AMDHD1: variants seen among roughly 807,000 people sequenced by gnomAD.
AMDHD1 encodes the protein probable imidazolonepropionase.
AMDHD1 carries 45 observed loss-of-function variants against 44.1 expected under a neutral mutation model. The ratio of observed to expected loss-of-function variants is 1.02; its 90% CI spans 0.80 to 1.31. The LOEUF is 1.31. AMDHD1 is among the 50% of genes most tolerant of loss of function. The pLI, the probability that AMDHD1 is intolerant of heterozygous loss-of-function variation, is 0.00. For synonymous variants in AMDHD1, 206 were observed against 205.0 expected, an observed-to-expected ratio of 1.00 and a Z score of -0.04; for missense variants, 586 against 552.1, an observed-to-expected ratio of 1.06 and a Z score of -0.61.
intron 4 of AMDHD1, among the ~76,000 whole-genome samples, chr12:95,959,209 A>G (rs1296728010): frequency 2.0e-5 from 3 of 152,168 alleles, no homozygotes; most frequent in Non-Finnish European, 4.4e-5. Context: ...GTTTCACAGA[A>G]ATTTTCTCCA....
chr12:95,956,818 C>T lies in AMDHD1; in HGVS notation c.443C>T (p.Ala148Val). Residue 148 changes from alanine (A) to valine (V), a missense_variant, in exon 4 of 9, where the codon GCT becomes GTT. Ala to Val is a moderately conservative substitution (Grantham distance 64). Transcript: ENST00000266736. ...CAACGGCTCCAGTGCATGATGAGGG[C>T]TGGCACCACGCTGGTGGAGTGCAAG... ...LQQRLQCMMR[A>V]GTTLVECKSG... The T allele has an allele frequency of 6.2e-7, 1 of 1,614,236 alleles. No individual in the cohort carries two copies. Among genetic ancestry groups the T allele is most frequent in the South Asian group, 1.1e-5 (1 of 91,088 alleles).
Position 95,943,484 on chromosome 12 carries a change from A to G in AMDHD1, c.86A>G (p.Asp29Gly). 1 of 1,501,830 alleles carries G rather than the reference A, an allele frequency of 6.7e-7. No homozygotes were observed. Among genetic ancestry groups the G allele is most frequent in the African/African-American group, 1.4e-5 (1 of 69,064 alleles). 93.0% of individuals were successfully genotyped at this position (1,501,830 alleles called of 1,614,324 possible). A position where few individuals can be genotyped will look rare whatever the true frequency, so the allele number is the denominator to read the frequency against. ...CARGERFLAR[D>G]ALRSLAVLEG... is the part of the protein sequence containing the mutation. ...CGCGGCGAGCGCTTCCTGGCGCGGG[A>G]TGCGCTGCGCAGCCTGGCGGTGCTG... Residue 29 changes from aspartate to glycine, a missense_variant, in exon 1 of 9, where the codon GAT (aspartate) becomes GGT (glycine). Physicochemically the swap from Asp to Gly is moderately conservative, Grantham distance 94. Transcript: ENST00000266736.
At chr12:95,944,327 T>TTTTATTTA (rs34358106) in intron 1 of AMDHD1, among the ~76,000 whole-genome samples, 8,754 of 141,562 alleles carry the variant, frequency 0.062, 342 homozygotes, top group Admixed American at 0.084. Flanking sequence ...GTTGGTTTAA[T>TTTTATTTA]TTTATTTATT....
chr12:95,949,810 TG>T (rs2136760366), intron 1 of AMDHD1, among the ~76,000 whole-genome samples: 1 of 152,316 alleles, frequency 6.6e-6, no homozygotes, highest in East Asian at 1.9e-4. Flanking sequence ...AAAACACTTT[TG>T]GGGGAATGCT....
chr12:95,966,876 C>T (rs1382890998), intron 8 of AMDHD1, among the ~76,000 whole-genome samples: 2 of 152,230 alleles, frequency 1.3e-5, no homozygotes, highest in Non-Finnish European at 2.9e-5. Flanking sequence ...TTCATTCCCT[C>T]TCTGATTTCT....
chr12:95,967,856 G>A lies in AMDHD1; in HGVS notation c.*13G>A. On this transcript the variant is annotated 3_prime_UTR_variant, in exon 9 of 9. Coordinates refer to ENST00000266736, the MANE Select transcript of AMDHD1 (RefSeq NM_152435.3). ...CTATAAAACATGATAGATTTGAAAA[G>A]AGAAGACTTTTTGACTATATGAAAT... 2 of 1,516,670 alleles carry A rather than the reference G, an allele frequency of 1.3e-6. No homozygotes were observed. Among genetic ancestry groups the A allele is most frequent in the Non-Finnish European group, 1.8e-6 (2 of 1,116,440 alleles). 94.0% of individuals were successfully genotyped at this position (1,516,670 alleles called of 1,614,324 possible).
In AMDHD1 at chr12:95,968,712, T is replaced by A. The variant is rs1467271466; in HGVS notation, c.*869T>A. 6.6e-6 allele frequency: 1 copy of A among 152,226 alleles called. No individual in the cohort carries two copies. The highest frequency in any genetic ancestry group is 1.5e-5 in the Non-Finnish European group (1 of 68,036). 9.4% of individuals were successfully genotyped at this position (152,226 alleles called of 1,614,324 possible). A position where few individuals can be genotyped will look rare whatever the true frequency, so the allele number is the denominator to read the frequency against. On this transcript the variant is annotated 3_prime_UTR_variant, in exon 9 of 9. Coordinates refer to ENST00000266736, the MANE Select transcript of AMDHD1 (RefSeq NM_152435.3). The stretch of plus-strand genomic sequence containing the variant: ...TTATTTACATATAAATGGGTGTTTT[T>A]AAAAGCCATGTAAGTTGATTTGAAA...
intron 1 of AMDHD1, among the ~76,000 whole-genome samples, chr12:95,952,027 G>A (rs2080527807): frequency 6.6e-6 from 1 of 152,132 alleles, no homozygotes; most frequent in South Asian, 2.1e-4. Flanking sequence ...CTCCCATTCT[G>A]TGGGTTGTTT....
Position 95,966,336 on chromosome 12 carries a change from T to C in AMDHD1, c.1033-12T>C. On this transcript the variant is annotated splice_polypyrimidine_tract_variant and intron_variant, in intron 7 of 8. Coordinates refer to ENST00000266736, the MANE Select transcript of AMDHD1 (RefSeq NM_152435.3). ...GTCACTTTCCTCCAACACTTTTCTCTTCCTGCCTTAGCCAATGGTCATGCA... is the reference window on the plus strand; with the variant it reads ...GTCACTTTCCTCCAACACTTTTCTCCTCCTGCCTTAGCCAATGGTCATGCA... 1 of 1,613,676 alleles carries C rather than the reference T, an allele frequency of 6.2e-7. No homozygotes were observed. Among genetic ancestry groups the C allele is most frequent in the Middle Eastern group, 1.7e-4 (1 of 6,058 alleles).
intron 4 of AMDHD1, among the ~76,000 whole-genome samples, chr12:95,959,073 AAAG>A (rs1223811935): frequency 1.3e-5 from 2 of 151,894 alleles, no homozygotes; most frequent in Non-Finnish European, 1.5e-5. Flanking sequence ...AAGAAAAAAA[AAAG>A]AAAAGAAAAA....
intron 3 of AMDHD1, among the ~76,000 whole-genome samples, chr12:95,956,313 T>C (rs1458295227): frequency 6.6e-6 from 1 of 152,176 alleles, no homozygotes; most frequent in African/African-American, 2.4e-5. Flanking sequence ...TTTCACCATA[T>C]TGGTCAGGCT....
chr12:95,948,328 A>G (rs1456560333), intron 1 of AMDHD1, among the ~76,000 whole-genome samples: 15 of 46,360 alleles, frequency 3.2e-4, no homozygotes, highest in Non-Finnish European at 4.3e-4. Context: ...TCAGCCCCCC[A>G]CCCGGCCAGC....
intron 1 of AMDHD1, among the ~76,000 whole-genome samples, chr12:95,952,123 T>C (rs1382084416): frequency 6.6e-6 from 1 of 152,204 alleles, no homozygotes; most frequent in East Asian, 1.9e-4. Context: ...CTTGGTTGCC[T>C]GTTCTTGTGG....
At chr12:95,962,635 A>C (rs1165747931) in intron 6 of AMDHD1, among the ~76,000 whole-genome samples, 156 bp downstream of exon 6, 1 of 152,244 alleles carries the variant, frequency 6.6e-6, no homozygotes, top group Non-Finnish European at 1.5e-5. Flanking sequence ...CCCTGGACTG[A>C]TGTTCGTAAA....
chr12:95,966,404 G>A lies in AMDHD1; in HGVS notation c.1089G>A (p.Leu363=), dbSNP rs191163722. The part of the protein sequence containing the change: ...VNMRMSMPEA[L]AAATINAAYA... ...TGAGAATGTCCATGCCTGAGGCCTT[G>A]GCCGCTGCCACCATCAATGCAGCTT... is the stretch of plus-strand genomic sequence containing the variant. The change falls in exon 8 of 9, where the codon TTG becomes TTA. Residue 363 remains leucine, a synonymous_variant. Coordinates refer to ENST00000266736, the MANE Select transcript of AMDHD1 (RefSeq NM_152435.3). 4.3e-6 allele frequency: 7 copies of A among 1,614,240 alleles called. No individual in the cohort carries two copies. In the African/African-American group the frequency reaches 9.3e-5, roughly 22 times the overall value.
At chr12:95,950,794 C>G (rs576918555) in intron 1 of AMDHD1, among the ~76,000 whole-genome samples, 1 of 152,234 alleles carries the variant, frequency 6.6e-6, no homozygotes, top group Non-Finnish European at 1.5e-5. Context: ...CATAGCCACA[C>G]CTGGCTAGTG....
At chr12:95,966,030 A>C (rs1779898939) in intron 7 of AMDHD1, among the ~76,000 whole-genome samples, 1 of 152,230 alleles carries the variant, frequency 6.6e-6, no homozygotes, top group African/African-American at 2.4e-5. Flanking sequence ...TTGTAGTTTT[A>C]CAGTAACCCA....
At chr12:95,954,613 C>T (rs2080541227) in intron 2 of AMDHD1, among the ~76,000 whole-genome samples, 1 of 118,712 alleles carries the variant, frequency 8.4e-6, no homozygotes, top group South Asian at 3.1e-4. Flanking sequence ...AAAATAAAAG[C>T]TTATTTGGTG....
chr12:95,966,659 C>T (rs1189382055), intron 8 of AMDHD1, 151 bp downstream of exon 8: 13 of 1,013,630 alleles, frequency 1.3e-5, no homozygotes, highest in Admixed American at 2.3e-5. Context: ...TTCCAAAGAG[C>T]AAATCTACTG....
Sources: allele counts gnomAD v4.1 joint callset (sites outside exome capture counted in the v4.1 genomes callset), GRCh38; gene constraint gnomAD v4.1.1; transcripts MANE v1.5; gene names NCBI Gene and HGNC (gene_info 2026-07-23, HGNC 2026-07-21).